Variants in GRIK1 observed in about 807,000 individuals in gnomAD.
GRIK1 encodes the protein glutamate receptor ionotropic, kainate 1.
In GRIK1, 69 loss-of-function variants were observed where a neutral mutation model predicts 105.7. The observed-to-expected ratio is 0.65, with a 90% confidence interval of 0.54 to 0.80. The LOEUF (loss-of-function observed/expected upper bound fraction) is 0.80, where lower values mean the gene tolerates loss of function less well. Among genes scored for constraint, GRIK1 ranks in the 30% least tolerant of loss-of-function variants. The pLI is 0.00. For synonymous variants in GRIK1, 438 were observed against 431.3 expected (o/e 1.02, Z -0.19); for missense variants, 1,109 against 1,167.3 (o/e 0.95, Z 0.73).
rs7279239 is a variant in GRIK1, at chr21:29,656,442, A to T, written c.727-1579T>A. On this transcript the variant is annotated intron_variant, in intron 4 of 17. Coordinates refer to ENST00000327783, the MANE Select transcript of GRIK1 (RefSeq NM_001330994.2). ...ACATTTCCAAGGTAGTTTTCCGCAC[A>T]ACTCTGGTCAATTCTGGATGCAAGT... is the stretch of plus-strand genomic sequence containing the variant. 8.2e-3 allele frequency among the ~76,000 whole-genome samples: 1,231 copies of T among 149,580 alleles called. 25 individuals are homozygous for T. The highest frequency in any genetic ancestry group is 0.029 in the African/African-American group (1,167 of 40,650).
At chr21:29,560,357 T>TCCTTCC (rs1568813437) in intron 15 of GRIK1, among the ~76,000 whole-genome samples, 5 of 58,178 alleles carry the variant, frequency 8.6e-5, no homozygotes, top group South Asian at 1.2e-3. Flanking sequence ...CTTTCTTTCT[T>TCCTTCC]TTTCTTTCTT....
At chr21:29,671,939 C>T (rs1392992376) in intron 4 of GRIK1, among the ~76,000 whole-genome samples, 3 of 152,086 alleles carry the variant, frequency 2.0e-5, no homozygotes, top group East Asian at 1.9e-4. Context: ...AGTAGAGTGC[C>T]CTGTTCCAAA....
intron 6 of GRIK1, among the ~76,000 whole-genome samples, chr21:29,643,482 GA>G (rs1169678576): frequency 1.3e-5 from 2 of 152,212 alleles, no homozygotes. Context: ...GCAGAGTTAA[GA>G]AGTTCATAGT....
chr21:29,592,084 TAAATG>T (rs1302217311), intron 9 of GRIK1, among the ~76,000 whole-genome samples: 2 of 152,026 alleles, frequency 1.3e-5, no homozygotes, highest in East Asian at 1.9e-4. Flanking sequence ...AAGAGAAAGA[TAAATG>T]AAAGAAAACA....
chr21:29,910,442 A>C (rs1192955191), intron 1 of GRIK1, among the ~76,000 whole-genome samples: 2 of 152,134 alleles, frequency 1.3e-5, no homozygotes, highest in African/African-American at 2.4e-5. Context: ...GAAGGGCAGA[A>C]ATTAGCAATG....
intron 1 of GRIK1, among the ~76,000 whole-genome samples, chr21:29,806,238 A>G (rs2066860772): frequency 6.6e-6 from 1 of 152,110 alleles, no homozygotes; most frequent in South Asian, 2.1e-4. Flanking sequence ...TTTCATTGAC[A>G]TTGATATTTT....
In GRIK1 at chr21:29,852,432, C is replaced by A. The variant is rs141104477; in HGVS notation, c.118+86951G>T. 2.1e-4 allele frequency among the ~76,000 whole-genome samples: 32 copies of A among 152,330 alleles called. 1 individual carries two copies. Among genetic ancestry groups the A allele is most frequent in the African/African-American group, 7.7e-4 (32 of 41,574 alleles). On this transcript the variant is annotated intron_variant, in intron 1 of 17. Transcript: ENST00000327783. ...GACTAAAATCTATGTACTCTGCAGACTTCCTTCATCCTGCAACTTCCAGCT... is the reference window on the plus strand; with the variant it reads ...GACTAAAATCTATGTACTCTGCAGAATTCCTTCATCCTGCAACTTCCAGCT...
intron 8 of GRIK1, chr21:29,597,787 T>C (rs1436702469): frequency 4.8e-6 from 1 of 208,764 alleles, no homozygotes; most frequent in African/African-American, 2.3e-5. Flanking sequence ...TTCTAATACA[T>C]TCAGCCTAAA....
At chr21:29,671,896 T>A (rs1336614205) in intron 4 of GRIK1, among the ~76,000 whole-genome samples, 1 of 152,100 alleles carries the variant, frequency 6.6e-6, no homozygotes, top group East Asian at 1.9e-4. Flanking sequence ...CAGATGTGTA[T>A]TACAAGATGT....
chr21:29,546,596 T>G (rs997267499), intron 16 of GRIK1, among the ~76,000 whole-genome samples: 7 of 152,362 alleles, frequency 4.6e-5, no homozygotes, highest in African/African-American at 1.7e-4. Flanking sequence ...AATTTTCTCT[T>G]TCCTAATGGT....
chr21:29,810,721 G>A (rs2066987621), intron 1 of GRIK1, among the ~76,000 whole-genome samples: 1 of 152,144 alleles, frequency 6.6e-6, no homozygotes, highest in South Asian at 2.1e-4. Flanking sequence ...AGAGCCTAGA[G>A]AGAAAGCAAT....
At chr21:29,614,766 C>T (rs2061808794) in intron 7 of GRIK1, among the ~76,000 whole-genome samples, 1 of 151,448 alleles carries the variant, frequency 6.6e-6, no homozygotes, top group African/African-American at 2.5e-5. Flanking sequence ...TTTCCACCTC[C>T]ATCTACTGCC....
In GRIK1 at chr21:29,878,827, C is replaced by T. The variant is rs138955417; in HGVS notation, c.118+60556G>A. 4.6e-5 allele frequency among the ~76,000 whole-genome samples: 7 copies of T among 151,794 alleles called. 1 individual carries two copies. Among genetic ancestry groups the T allele is most frequent in the East Asian group, 3.9e-4 (2 of 5,140 alleles). On this transcript the variant is annotated intron_variant, in intron 1 of 17. Coordinates refer to ENST00000327783, the MANE Select transcript of GRIK1 (RefSeq NM_001330994.2). ...CCTTGATCTTGGACTTCCCAGCCTC[C>T]GAATCTATGAGAAATACATTTCTAT... is the stretch of plus-strand genomic sequence containing the variant.
chr21:29,867,874 GAAAGAGAGAGAA>G (rs368452867), intron 1 of GRIK1, among the ~76,000 whole-genome samples: 14 of 14,614 alleles, frequency 9.6e-4, no homozygotes, highest in Admixed American at 5.7e-3. Context: ...GAGAAAGAGA[GAAAGAGAGAGAA>G]AGAGAGAGAG....
intron 1 of GRIK1, among the ~76,000 whole-genome samples, chr21:29,761,862 T>A (rs1298553174): frequency 1.3e-5 from 2 of 151,856 alleles, no homozygotes; most frequent in East Asian, 3.9e-4. Flanking sequence ...ATTCTCTGCC[T>A]CAGCCTCCTG....
chr21:29,774,808 G>A (rs1223815783), intron 1 of GRIK1, among the ~76,000 whole-genome samples: 1 of 152,122 alleles, frequency 6.6e-6, no homozygotes, highest in Non-Finnish European at 1.5e-5. Flanking sequence ...TGGCTTTATG[G>A]ATGTGAGACC....
chr21:29,737,110 C>T (rs942614206), intron 1 of GRIK1, among the ~76,000 whole-genome samples: 2 of 152,110 alleles, frequency 1.3e-5, no homozygotes, highest in African/African-American at 4.8e-5. Context: ...ATGAAAGTCA[C>T]CTATGCTTAA....
chr21:29,640,387 A>G (rs1373885482), intron 7 of GRIK1, among the ~76,000 whole-genome samples: 2 of 152,110 alleles, frequency 1.3e-5, no homozygotes, highest in Non-Finnish European at 2.9e-5. Context: ...TCTTCTCTGT[A>G]GGTACCTACA....
intron 1 of GRIK1, among the ~76,000 whole-genome samples, chr21:29,937,819 G>T (rs970039341): frequency 2.6e-5 from 4 of 151,434 alleles, no homozygotes; most frequent in African/African-American, 9.7e-5. Flanking sequence ...TGACCAGGGT[G>T]AGTAGAGTTG....
Sources: gnomAD v4.1 joint callset for allele counts (sites outside exome capture counted in the v4.1 genomes callset) on GRCh38, gnomAD v4.1.1 for gene constraint, MANE v1.5 for transcripts, NCBI Gene and HGNC (gene_info 2026-07-23, HGNC 2026-07-21) for gene names.